ZDHHC2: variants seen among roughly 807,000 people sequenced by gnomAD.
ZDHHC2 encodes the protein palmitoyltransferase ZDHHC2.
Under a neutral mutation model 55.6 loss-of-function variants are expected in ZDHHC2, and 51 were observed. The ratio of observed to expected loss-of-function variants is 0.92; its 90% confidence interval spans 0.73 to 1.16. The LOEUF is 1.16. Among genes scored for constraint, ZDHHC2 ranks in the 50% most tolerant of loss-of-function variants. The pLI, the probability that ZDHHC2 is intolerant of heterozygous loss-of-function variation, is 0.00. For missense variants in ZDHHC2, 491 were observed against 442.4 expected (o/e 1.11, Z -0.99); for synonymous variants, 199 against 152.9 (o/e 1.30, Z -2.22).
At chr8:17,186,268 G>T in intron 2 of ZDHHC2, 63 bp from the exon 3 acceptor site, 1 of 1,084,298 alleles carries the variant, frequency 9.2e-7, no homozygotes, top group South Asian at 1.5e-5. Context: ...GATCGGTTGT[G>T]ACTGTCATAA....
At chr8:17,197,136 A>G (rs933580877) in intron 4 of ZDHHC2, among the ~76,000 whole-genome samples, 1 of 152,196 alleles carries the variant, frequency 6.6e-6, no homozygotes, top group East Asian at 1.9e-4. Context: ...GAAATAAATC[A>G]TTGCTGAGTT....
chr8:17,199,612 C>CTTCTTCCTTTCTTCTTCTTCCT (rs1554466228), intron 6 of ZDHHC2, among the ~76,000 whole-genome samples: 3 of 68,918 alleles, frequency 4.4e-5, no homozygotes, highest in East Asian at 3.0e-4. Flanking sequence ...ATTCTTTCTT[C>CTTCTTCCTTTCTTCTTCTTCCT]TTCTTCTTCT....
chr8:17,166,313 G>A (rs1472682417), intron 1 of ZDHHC2, among the ~76,000 whole-genome samples: 1 of 152,150 alleles, frequency 6.6e-6, no homozygotes, highest in African/African-American at 2.4e-5. Flanking sequence ...ACAGATTTGA[G>A]TTGTGTAAGA....
chr8:17,187,538 C>T (rs149258086), intron 3 of ZDHHC2, among the ~76,000 whole-genome samples: 46 of 152,176 alleles, frequency 3.0e-4, no homozygotes, highest in Middle Eastern at 3.4e-3. Context: ...CAGATGTTTG[C>T]GCAGAATTAA....
chr8:17,174,705 C>CTTT (rs546670520), intron 1 of ZDHHC2, among the ~76,000 whole-genome samples: 1 of 61,940 alleles, frequency 1.6e-5, no homozygotes, highest in African/African-American at 6.4e-5. Flanking sequence ...TTGTGTTATT[C>CTTT]TTTTTTTTTT....
chr8:17,162,342 A>G (rs1467584551), intron 1 of ZDHHC2, among the ~76,000 whole-genome samples: 1 of 152,206 alleles, frequency 6.6e-6, no homozygotes, highest in African/African-American at 2.4e-5. Flanking sequence ...AAGTGAGAGG[A>G]CAGGATCTGG....
chr8:17,167,362 A>G (rs1804653859), intron 1 of ZDHHC2, among the ~76,000 whole-genome samples: 1 of 130,816 alleles, frequency 7.6e-6, no homozygotes, highest in Non-Finnish European at 1.5e-5. Flanking sequence ...CTGAAGTGCG[A>G]TGGTGCAATA....
chr8:17,223,879 T>G lies in ZDHHC2; in HGVS notation c.*3658T>G, dbSNP rs1400321751. ...TCTTTTCCATAAGATTTTTTTATTG[T>G]AGTAGTGCCCTGGCTTGTAAACAGT... On this transcript the variant is annotated 3_prime_UTR_variant, in exon 13 of 13. Coordinates refer to ENST00000262096, the MANE Select transcript of ZDHHC2 (RefSeq NM_016353.5). The G allele has an allele frequency of 6.6e-6, 1 of 151,776 alleles. No homozygotes were observed. The highest frequency in any genetic ancestry group is 1.9e-4 in the East Asian group (1 of 5,190). 9.4% of individuals were successfully genotyped at this position (151,776 alleles called of 1,614,324 possible).
rs73198598 is a variant in ZDHHC2, at chr8:17,223,898, A to G, written c.*3677A>G. 0.09 allele frequency: 13,720 copies of G among 151,742 alleles called. 709 individuals carry two copies. The highest frequency in any genetic ancestry group is 0.2 in the South Asian group (955 of 4,826). 9.4% of individuals were successfully genotyped at this position (151,742 alleles called of 1,614,324 possible). On this transcript the variant is annotated 3_prime_UTR_variant, in exon 13 of 13. Transcript: ENST00000262096. ...TTATTGTAGTAGTGCCCTGGCTTGT[A>G]AACAGTGGACATCACTGAAAGGATG...
At chr8:17,213,925 T>C (rs1415644017) in intron 10 of ZDHHC2, among the ~76,000 whole-genome samples, 5 of 152,144 alleles carry the variant, frequency 3.3e-5, no homozygotes, top group Non-Finnish European at 7.3e-5. Context: ...CTCCAAAATT[T>C]TAGTAGGTAG....
chr8:17,208,625 AT>A (rs1278654316), intron 8 of ZDHHC2, among the ~76,000 whole-genome samples: 2 of 152,130 alleles, frequency 1.3e-5, no homozygotes, highest in Non-Finnish European at 1.5e-5. Flanking sequence ...ATGAGGATTA[AT>A]TACAGTGGGT....
At chr8:17,162,232 G>C (rs1221051674) in intron 1 of ZDHHC2, among the ~76,000 whole-genome samples, 1 of 152,120 alleles carries the variant, frequency 6.6e-6, no homozygotes, top group African/African-American at 2.4e-5. Flanking sequence ...AAACATTTAA[G>C]GCAATTAGCA....
chr8:17,159,371 A>G (rs1006942140), intron 1 of ZDHHC2, among the ~76,000 whole-genome samples: 3 of 152,190 alleles, frequency 2.0e-5, no homozygotes, highest in African/African-American at 7.2e-5. Context: ...GAACTGGATC[A>G]GGTAGCAAAT....
intron 1 of ZDHHC2, among the ~76,000 whole-genome samples, chr8:17,165,435 C>G (rs1163422204): frequency 6.6e-6 from 1 of 152,132 alleles, no homozygotes; most frequent in Non-Finnish European, 1.5e-5. Context: ...GCAACTTACT[C>G]CAGGACTAAT....
intron 3 of ZDHHC2, among the ~76,000 whole-genome samples, chr8:17,187,766 C>A (rs1805790580): frequency 6.6e-6 from 1 of 152,170 alleles, no homozygotes; most frequent in African/African-American, 2.4e-5. Flanking sequence ...CATACAACCT[C>A]TGTTTTGATA....
chr8:17,166,416 G>A (rs1804602313), intron 1 of ZDHHC2, among the ~76,000 whole-genome samples: 2 of 152,168 alleles, frequency 1.3e-5, no homozygotes, highest in South Asian at 4.1e-4. Context: ...TAGGTGGCGT[G>A]GAGGGTTGCA....
chr8:17,212,531 A>G (rs1358151197), intron 10 of ZDHHC2, among the ~76,000 whole-genome samples: 1 of 152,136 alleles, frequency 6.6e-6, no homozygotes. Context: ...TCTTTAAAGT[A>G]TATCTATAAT....
chr8:17,161,576 T>C (rs1313974656), intron 1 of ZDHHC2, among the ~76,000 whole-genome samples: 1 of 152,176 alleles, frequency 6.6e-6, no homozygotes, highest in Non-Finnish European at 1.5e-5. Context: ...GATTACTTAT[T>C]GGCCAGCACG....
intron 1 of ZDHHC2, among the ~76,000 whole-genome samples, chr8:17,160,552 C>A (rs920308243): frequency 2.0e-5 from 3 of 152,180 alleles, no homozygotes; most frequent in African/African-American, 7.2e-5. Context: ...CAGCTATGAC[C>A]TTAGCTGCTG....
Sources: gnomAD v4.1 joint callset for allele counts (sites outside exome capture counted in the v4.1 genomes callset) on GRCh38, gnomAD v4.1.1 for gene constraint, MANE v1.5 for transcripts, NCBI Gene and HGNC (gene_info 2026-07-23, HGNC 2026-07-21) for gene names.